The following FCHSD2 variants were observed in gnomAD, a reference collection of about 807,000 sequenced individuals.
FCHSD2 encodes the protein F-BAR and double SH3 domains protein 2.
In FCHSD2, 38 loss-of-function variants were observed where a neutral mutation model predicts 108.1. The ratio of observed to expected loss-of-function variants is 0.35; its 90% confidence interval spans 0.27 to 0.46. The LOEUF (loss-of-function observed/expected upper bound fraction) is 0.46. Ranked by LOEUF, FCHSD2 falls within the 20% of genes least tolerant of loss-of-function variation. The probability of loss-of-function intolerance (pLI) is 1.00; values close to 1 mark genes in which losing one functional copy is unlikely to be tolerated. For synonymous variants in FCHSD2, 279 were observed against 314.7 expected (o/e 0.89, Z 1.20); for missense variants, 751 against 897.8 (o/e 0.84, Z 2.09).
chr11:73,109,404 A>G (rs1288557989), intron 2 of FCHSD2, among the ~76,000 whole-genome samples: 1 of 152,060 alleles, frequency 6.6e-6, no homozygotes, highest in African/African-American at 2.4e-5. Flanking sequence ...TTCTTTCATC[A>G]ATGTTTTATA....
At chr11:72,896,764 T>TAAAAAAAAAAAA (rs58159831) in intron 10 of FCHSD2, among the ~76,000 whole-genome samples, 14 of 68,380 alleles carry the variant, frequency 2.0e-4, no homozygotes, top group Middle Eastern at 0.014. Flanking sequence ...GGGAAAATAC[T>TAAAAAAAAAAAA]AAAAAAAAAA....
chr11:73,030,629 T>C (rs981877448), intron 3 of FCHSD2, among the ~76,000 whole-genome samples: 5 of 152,168 alleles, frequency 3.3e-5, no homozygotes, highest in African/African-American at 9.7e-5. Flanking sequence ...AAAAACCTCA[T>C]TGGAGCTACA....
intron 8 of FCHSD2, among the ~76,000 whole-genome samples, chr11:72,953,667 G>A (rs991341185): frequency 4.0e-5 from 6 of 151,616 alleles, no homozygotes; most frequent in African/African-American, 1.4e-4. Flanking sequence ...TAAATGTTAT[G>A]GCAGGTTGTA....
intron 8 of FCHSD2, among the ~76,000 whole-genome samples, chr11:72,936,017 A>G (rs986075841): frequency 1.3e-5 from 2 of 152,228 alleles, no homozygotes; most frequent in Non-Finnish European, 2.9e-5. Context: ...GCCATCTCAA[A>G]ACATCATGGG....
At chr11:73,034,044 T>A (rs1388196137) in intron 3 of FCHSD2, among the ~76,000 whole-genome samples, 3 of 152,226 alleles carry the variant, frequency 2.0e-5, no homozygotes, top group South Asian at 2.1e-4. Flanking sequence ...TTTTTAAGAG[T>A]TGCTTTTTTC....
intron 5 of FCHSD2, among the ~76,000 whole-genome samples, chr11:72,994,350 T>A (rs1857480220): frequency 6.7e-6 from 1 of 149,524 alleles, no homozygotes; most frequent in Admixed American, 6.7e-5. Context: ...ACAGGTATTA[T>A]CACATTTAGT....
chr11:73,015,634 T>G (rs1226616813), intron 4 of FCHSD2, among the ~76,000 whole-genome samples, 175 bp downstream of exon 4: 1 of 152,186 alleles, frequency 6.6e-6, no homozygotes, highest in Admixed American at 6.5e-5. Context: ...CAATCTATTT[T>G]AGATTATTTA....
intron 4 of FCHSD2, among the ~76,000 whole-genome samples, chr11:73,009,927 T>C (rs921814805): frequency 2.0e-5 from 3 of 152,190 alleles, no homozygotes; most frequent in Non-Finnish European, 2.9e-5. Flanking sequence ...GAGCCTCCAG[T>C]ATCTGGATGT....
chr11:73,090,286 C>T (rs1311311595), intron 2 of FCHSD2, among the ~76,000 whole-genome samples: 4 of 128,722 alleles, frequency 3.1e-5, no homozygotes, highest in South Asian at 2.4e-4. Context: ...AGTGCAGTGG[C>T]GGGATCTCGG....
chr11:73,122,498 G>C (rs561810419), intron 2 of FCHSD2, among the ~76,000 whole-genome samples: 2 of 152,204 alleles, frequency 1.3e-5, no homozygotes, highest in African/African-American at 2.4e-5. Context: ...CTGCTCTTCA[G>C]AACACAGGAA....
chr11:72,939,017 T>C (rs1289999953), intron 8 of FCHSD2, among the ~76,000 whole-genome samples: 1 of 152,214 alleles, frequency 6.6e-6, no homozygotes, highest in East Asian at 1.9e-4. Flanking sequence ...TAATGCAGGA[T>C]ATTTTCAAAT....
rs114764285 is a variant in FCHSD2, at chr11:73,106,377, C to T, written c.120-22637G>A. 3.0e-3 allele frequency among the ~76,000 whole-genome samples: 444 copies of T among 150,062 alleles called. 4 individuals are homozygous for T. The highest frequency in any genetic ancestry group is 0.01 in the African/African-American group (421 of 40,754). ...GCTGTGATGGCACCACTACACTCCACCCTGGGTGACAGAATGAGACTCTGT... is the reference window on the plus strand; with the variant it reads ...GCTGTGATGGCACCACTACACTCCATCCTGGGTGACAGAATGAGACTCTGT... On this transcript the variant is annotated intron_variant, in intron 2 of 19. Coordinates refer to ENST00000409418, the MANE Select transcript of FCHSD2 (RefSeq NM_014824.3).
intron 9 of FCHSD2, among the ~76,000 whole-genome samples, chr11:72,903,194 T>C: frequency 8.9e-5 from 1 of 11,274 alleles, no homozygotes; most frequent in Non-Finnish European, 3.1e-4. Flanking sequence ...AATTTATTTA[T>C]TTATTTATTT....
rs974101802 is a variant in FCHSD2, at chr11:72,946,121, A to C, written c.706-24171T>G. Among the ~76,000 whole-genome samples the C allele has an allele frequency of 9.9e-5, 15 of 152,120 alleles. 1 individual carries two copies. Among genetic ancestry groups the C allele is most frequent in the South Asian group, 6.2e-4 (3 of 4,834 alleles). ...CATATGTTTATTGTGGCACTATTCAAAATAGGAAAGACTTGGAACCAACCC... is the reference window on the plus strand; with the variant it reads ...CATATGTTTATTGTGGCACTATTCACAATAGGAAAGACTTGGAACCAACCC... On this transcript the variant is annotated intron_variant, in intron 8 of 19. Transcript: ENST00000409418.
At chr11:72,981,047 C>T (rs1449234574) in intron 8 of FCHSD2, among the ~76,000 whole-genome samples, 1 of 152,092 alleles carries the variant, frequency 6.6e-6, no homozygotes, top group Non-Finnish European at 1.5e-5. Flanking sequence ...ACTGACAATT[C>T]AATGGTGGAA....
intron 3 of FCHSD2, among the ~76,000 whole-genome samples, chr11:73,017,841 G>T (rs1858008155): frequency 6.6e-6 from 1 of 151,864 alleles, no homozygotes; most frequent in Non-Finnish European, 1.5e-5. Context: ...AATATATATA[G>T]GAAAATGTGA....
intron 2 of FCHSD2, among the ~76,000 whole-genome samples, chr11:73,113,246 A>G (rs1174455834): frequency 6.6e-6 from 1 of 151,834 alleles, no homozygotes; most frequent in Non-Finnish European, 1.5e-5. Flanking sequence ...GAGTTTCCTC[A>G]AAATAGCTAT....
chr11:73,033,010 C>T (rs546080755), intron 3 of FCHSD2, among the ~76,000 whole-genome samples: 8 of 152,110 alleles, frequency 5.3e-5, no homozygotes, highest in Admixed American at 1.3e-4. Flanking sequence ...TTAGATTGGC[C>T]GGGTGCGGTG....
chr11:72,892,855 C>T (rs924442700), intron 10 of FCHSD2, among the ~76,000 whole-genome samples: 1 of 151,796 alleles, frequency 6.6e-6, no homozygotes, highest in Admixed American at 6.6e-5. Context: ...CCACCCGCCT[C>T]GGCCTCCCAA....
Sources: gnomAD v4.1 joint callset for allele counts (sites outside exome capture counted in the v4.1 genomes callset) on GRCh38, gnomAD v4.1.1 for gene constraint, MANE v1.5 for transcripts, NCBI Gene and HGNC (gene_info 2026-07-23, HGNC 2026-07-21) for gene names.